UGT1A6: variants seen among roughly 807,000 people sequenced by gnomAD.
UGT1A6 encodes the protein UDP glucuronosyltransferase family 1 member A6.
In UGT1A6, 32 loss-of-function variants were observed where a neutral mutation model predicts 44.4. That is an observed-to-expected ratio of 0.72 (90% CI 0.54 to 0.97). The LOEUF is 0.97. Among genes scored for constraint, UGT1A6 ranks in the 50% least tolerant of loss-of-function variants. UGT1A6 has a pLI of 0.00. For synonymous variants in UGT1A6, 238 were observed against 248.5 expected (o/e 0.96, Z 0.40); for missense variants, 685 against 661.9 (o/e 1.03, Z -0.38).
rs2075146387 is a variant in UGT1A6 at position 233,693,340 on chromosome 2, C to T, written c.336C>T (p.Tyr112=). 6.2e-7 allele frequency: 1 copy of T among 1,614,074 alleles called. No homozygotes were observed. Among genetic ancestry groups the T allele is most frequent in the Admixed American group, 1.7e-5 (1 of 60,000 alleles). ...TCCTAACTGCTCCTCAGACAGAGTACAGGAATAACATGATTGTTATTGGCC... is the reference window on the plus strand; with the variant it reads ...TCCTAACTGCTCCTCAGACAGAGTATAGGAATAACATGATTGTTATTGGCC... ...RSFLTAPQTE[Y]RNNMIVIGLY... Residue 112 remains tyrosine (Y), a synonymous_variant, in exon 1 of 5, where the codon TAC becomes TAT. Coordinates refer to ENST00000305139, the MANE Select transcript of UGT1A6 (RefSeq NM_001072.4).
intron 1 of UGT1A6, among the ~76,000 whole-genome samples, chr2:233,766,114 G>A (rs1214540183): frequency 6.6e-6 from 1 of 152,178 alleles, no homozygotes; most frequent in Non-Finnish European, 1.5e-5. Flanking sequence ...CTGGGGGCTT[G>A]CCTTGGTGTA....
chr2:233,769,493 G>C lies in UGT1A6; in HGVS notation c.1301+1054G>C, dbSNP rs1230643911. 1 of 1,612,700 alleles carries C rather than the reference G, an allele frequency of 6.2e-7. No homozygotes were observed. Among genetic ancestry groups the C allele is most frequent in the Admixed American group, 1.7e-5 (1 of 60,004 alleles). On this transcript the variant is annotated intron_variant, in intron 4 of 4. Coordinates refer to ENST00000305139, the MANE Select transcript of UGT1A6 (RefSeq NM_001072.4). This position sits in a 1 kb window ranked among gnomAD's most constrained non-coding sequence, Gnocchi z 4.4. ...TGTGTGTGTGTGCGTGTGTTTATGA[G>C]AGTGTCCATTGCTTTCTCCCATGGT... is the stretch of plus-strand genomic sequence containing the variant.
Position 233,772,475 on chromosome 2 carries a change from C to T in UGT1A6, c.1515C>T (p.Thr505=), listed in dbSNP as rs190427553. ...TCGTGCTGACAGTGGCCTTCATCAC[C>T]TTTAAATGTTGTGCTTATGGCTACC... ...LAVVLTVAFI[T]FKCCAYGYRK... is the part of the protein sequence containing the mutation. The change falls in exon 5 of 5, where the codon ACC becomes ACT. Residue 505 remains threonine (T), a synonymous_variant. Transcript: ENST00000305139. 20 of 1,614,018 alleles carry T rather than the reference C, an allele frequency of 1.2e-5. No individual in the cohort carries two copies. The highest frequency in any genetic ancestry group is 5.3e-5 in the African/African-American group (4 of 74,894).
At position 233,772,385 on chromosome 2, in the gene UGT1A6, C is replaced by A. The variant is rs28900406; in HGVS notation, c.1425C>A (p.Pro475=). ...ACAAGGGCGCGCCACACCTGCGCCCCGCAGCCCACGACCTCACCTGGTACC... is the reference window on the plus strand; with the variant it reads ...ACAAGGGCGCGCCACACCTGCGCCCAGCAGCCCACGACCTCACCTGGTACC... ...MRHKGAPHLR[P]AAHDLTWYQY... is the part of the protein sequence containing the mutation. The change falls in exon 5 of 5, where the codon CCC becomes CCA. Residue 475 remains proline (P), a synonymous_variant. Transcript: ENST00000305139. 3 of 1,614,128 alleles carry A rather than the reference C, an allele frequency of 1.9e-6. No individual in the cohort carries two copies. The African/African-American group carries it at 4.0e-5, about 22-fold the overall frequency.
intron 1 of UGT1A6, among the ~76,000 whole-genome samples, chr2:233,757,337 A>G (rs1976391): frequency 0.35 from 51,596 of 146,046 alleles, 9,773 homozygotes; most frequent in African/African-American, 0.44. Context: ...TGGGACCATG[A>G]CAGCTGGGTC....
At chr2:233,751,464 G>A (rs575888468) in intron 1 of UGT1A6, among the ~76,000 whole-genome samples, 3 of 152,310 alleles carry the variant, frequency 2.0e-5, no homozygotes, top group East Asian at 1.9e-4. Flanking sequence ...GGGAAGGCAC[G>A]ATTGGTTTTG....
chr2:233,691,858 T>G (rs966691161), upstream of UGT1A6: 1 of 157,408 alleles, frequency 6.4e-6, no homozygotes, highest in Non-Finnish European at 1.4e-5. Context: ...TTGTGATGTA[T>G]AATAAGAAAT....
At chr2:233,720,555 T>C (rs1276086879) in intron 1 of UGT1A6, among the ~76,000 whole-genome samples, 1 of 152,144 alleles carries the variant, frequency 6.6e-6, no homozygotes, top group Non-Finnish European at 1.5e-5. Flanking sequence ...CAAGTTTCTA[T>C]AGTGGGATCT....
intron 1 of UGT1A6, among the ~76,000 whole-genome samples, chr2:233,727,254 C>A (rs2077597251): frequency 6.6e-6 from 1 of 152,146 alleles, no homozygotes; most frequent in Admixed American, 6.5e-5. Flanking sequence ...CTGTGCAGCC[C>A]AGACCCCTCC....
At chr2:233,736,318 T>G (rs1275483454) in intron 1 of UGT1A6, among the ~76,000 whole-genome samples, 1 of 152,256 alleles carries the variant, frequency 6.6e-6, no homozygotes, top group Non-Finnish European at 1.5e-5. Flanking sequence ...TTGAATTTTG[T>G]GCATGTGTTA....
chr2:233,745,759 G>A (rs1184455578), intron 1 of UGT1A6, among the ~76,000 whole-genome samples: 1 of 150,666 alleles, frequency 6.6e-6, no homozygotes, highest in Non-Finnish European at 1.5e-5. Flanking sequence ...CAGAAGGGGT[G>A]GAGAGGAGGA....
rs774933475 is a variant in UGT1A6 at position 233,693,767 on chromosome 2, TTAAGA to T, written c.766_770del (p.Arg256Ter). 2.0e-5 allele frequency: 32 copies of T among 1,614,128 alleles called. No individual in the cohort carries two copies. Among genetic ancestry groups the T allele is most frequent in the Non-Finnish European group, 2.6e-5 (31 of 1,180,048 alleles). On this transcript the variant is annotated frameshift_variant, in exon 1 of 5. Transcript: ENST00000305139. LOFTEE classifies it high-confidence loss of function. ...ATATCAGAAGGTCTCTGTTTGGCTG[TTAAGA>T]TATGACTTTGTGCTTGAATATCCTA...
intron 1 of UGT1A6, chr2:233,708,366 T>C (rs1157457185): frequency 1.3e-5 from 2 of 152,232 alleles, no homozygotes; most frequent in South Asian, 2.1e-4. Context: ...TAATTCTTCA[T>C]TTAAACGTCT....
rs193246215 is a variant in UGT1A6, at chr2:233,754,852, G to A, written c.862-12182G>A. On this transcript the variant is annotated intron_variant, in intron 1 of 4. Coordinates refer to ENST00000305139, the MANE Select transcript of UGT1A6 (RefSeq NM_001072.4). ...GGAAATTCACTGAAGGCAGAGAAAAGGGGTGCAGACCCTCTGCTTCTGCTT... is the reference window on the plus strand; with the variant it reads ...GGAAATTCACTGAAGGCAGAGAAAAAGGGTGCAGACCCTCTGCTTCTGCTT... 19 of 1,345,310 alleles carry A rather than the reference G, an allele frequency of 1.4e-5. No individual in the cohort carries two copies. The Middle Eastern group carries it at 6.3e-4, about 45-fold the overall frequency. The allele number at this position is 1,345,310 out of a possible 1,614,324, so 83.3% of individuals were successfully genotyped here. A position where few individuals can be genotyped will look rare whatever the true frequency, so the allele number is the denominator to read the frequency against.
chr2:233,727,661 T>A (rs1292890743), intron 1 of UGT1A6, among the ~76,000 whole-genome samples: 1 of 152,208 alleles, frequency 6.6e-6, no homozygotes, highest in Non-Finnish European at 1.5e-5. Flanking sequence ...TAGTGCTCTA[T>A]GTCCTTACAA....
chr2:233,736,190 T>C (rs573636337), intron 1 of UGT1A6, among the ~76,000 whole-genome samples: 9 of 152,368 alleles, frequency 5.9e-5, no homozygotes, highest in African/African-American at 2.2e-4. Flanking sequence ...CCCATATTTC[T>C]TCAAGGCTTT....
chr2:233,700,584 A>G (rs938038590), intron 1 of UGT1A6, among the ~76,000 whole-genome samples: 1 of 152,218 alleles, frequency 6.6e-6, no homozygotes, highest in Non-Finnish European at 1.5e-5. Flanking sequence ...GATGCAATTT[A>G]TTATGATACA....
intron 1 of UGT1A6, among the ~76,000 whole-genome samples, chr2:233,749,604 A>G (rs7556676): frequency 0.45 from 68,782 of 151,558 alleles, 16,251 homozygotes; most frequent in South Asian, 0.58. Flanking sequence ...GTCACACTAG[A>G]TTTATCATGA....
rs1699793349 is a variant in UGT1A6 at position 233,769,122 on chromosome 2, A to G, written c.1301+683A>G. On this transcript the variant is annotated intron_variant, in intron 4 of 4. Transcript: ENST00000305139. The surrounding 1 kb of genome is among the most constrained non-coding windows in gnomAD (Gnocchi z 4.4). ...TAAGAGAAAAACAACTCAAATGCTTAGAAGTACAGCTTTTTGCAGCACTGG... is the reference window on the plus strand; with the variant it reads ...TAAGAGAAAAACAACTCAAATGCTTGGAAGTACAGCTTTTTGCAGCACTGG... Among the ~76,000 whole-genome samples, 1 of 152,252 alleles carries G rather than the reference A, an allele frequency of 6.6e-6. No individual in the cohort carries two copies. The highest frequency in any genetic ancestry group is 1.5e-5 in the Non-Finnish European group (1 of 68,050).
Sources: gnomAD v4.1 joint callset for allele counts (sites outside exome capture counted in the v4.1 genomes callset) on GRCh38, gnomAD v4.1.1 for gene constraint, Gnocchi (gnomAD v3.1) non-coding constraint, MANE v1.5 for transcripts, NCBI Gene and HGNC (gene_info 2026-07-23, HGNC 2026-07-21) for gene names.